The following BTBD9 variants were observed in gnomAD, a reference collection of about 807,000 sequenced individuals.
The protein encoded by BTBD9 is BTB/POZ domain-containing protein 9.
BTBD9 carries 49 observed loss-of-function variants against 64.3 expected under a neutral mutation model. The ratio of observed to expected loss-of-function variants is 0.76; its 90% CI spans 0.61 to 0.97. The LOEUF (loss-of-function observed/expected upper bound fraction) is 0.97, where lower values mean the gene tolerates loss of function less well. BTBD9 is among the 50% of genes least tolerant of loss of function. The probability of loss-of-function intolerance (pLI) is 0.00; values close to 1 mark genes in which losing one functional copy is unlikely to be tolerated. For synonymous variants in BTBD9, 260 were observed against 274.7 expected (o/e 0.95, Z 0.53); for missense variants, 598 against 762.1 (o/e 0.78, Z 2.53).
At chr6:38,298,055 C>A (rs1363879607) in intron 7 of BTBD9, among the ~76,000 whole-genome samples, 1 of 151,672 alleles carries the variant, frequency 6.6e-6, no homozygotes, top group Non-Finnish European at 1.5e-5. Flanking sequence ...CGGGGTTTCA[C>A]CATGTTAGCC....
chr6:38,413,463 C>A (rs553092093), intron 6 of BTBD9, among the ~76,000 whole-genome samples: 1 of 152,292 alleles, frequency 6.6e-6, no homozygotes, highest in South Asian at 2.1e-4. Context: ...ATAGGCCAAA[C>A]AAAAATGCCA....
At chr6:38,553,618 G>C (rs1289928174) in intron 6 of BTBD9, among the ~76,000 whole-genome samples, 2 of 152,174 alleles carry the variant, frequency 1.3e-5, no homozygotes, top group East Asian at 1.9e-4. Flanking sequence ...AAAGCCAACA[G>C]AAATAATCCT....
At position 38,264,932 on chromosome 6, in the gene BTBD9, A is replaced by G. The variant is rs1389064778; in HGVS notation, c.1455-8416T>C. On this transcript the variant is annotated intron_variant, in intron 8 of 10. Coordinates refer to ENST00000481247, the MANE Select transcript of BTBD9 (RefSeq NM_001099272.2). ...AGGGCAAAGGGAACACCAGTCTCCT[A>G]ATAGCAGGAGGAGGGAAAAACTGGC... Among the ~76,000 whole-genome samples, 10 of 152,284 alleles carry G rather than the reference A, an allele frequency of 6.6e-5. No homozygotes were observed. The East Asian group carries it at 1.7e-3, about 26-fold the overall frequency.
At chr6:38,489,704 G>A (rs765313869) in intron 6 of BTBD9, among the ~76,000 whole-genome samples, 129 of 152,126 alleles carry the variant, frequency 8.5e-4, no homozygotes, top group Non-Finnish European at 1.3e-3. Flanking sequence ...TGATAAGCAT[G>A]AAATGGTTTC....
At chr6:38,335,454 T>A (rs1763855898) in intron 7 of BTBD9, among the ~76,000 whole-genome samples, 1 of 152,042 alleles carries the variant, frequency 6.6e-6, no homozygotes, top group South Asian at 2.1e-4. Context: ...GGTTTTGCCA[T>A]GTTGGCCAGG....
rs949903372 is a variant in BTBD9, at chr6:38,473,945, A to G, written c.1154+103655T>C. Among the ~76,000 whole-genome samples the G allele has an allele frequency of 4.6e-5, 7 of 152,272 alleles. No individual in the cohort carries two copies. In the East Asian group the frequency reaches 1.2e-3, roughly 25 times the overall value. On this transcript the variant is annotated intron_variant, in intron 6 of 10. Coordinates refer to ENST00000481247, the MANE Select transcript of BTBD9 (RefSeq NM_001099272.2). ...GAAGAGTATTCTAGAAAGAAAGGCAATGTGTTGGGAAACCCTAAGATAGGA... is the reference window on the plus strand; with the variant it reads ...GAAGAGTATTCTAGAAAGAAAGGCAGTGTGTTGGGAAACCCTAAGATAGGA...
intron 6 of BTBD9, among the ~76,000 whole-genome samples, chr6:38,534,953 C>A (rs1773957888): frequency 6.6e-6 from 1 of 152,086 alleles, no homozygotes; most frequent in African/African-American, 2.4e-5. Context: ...CTTCTAAGAT[C>A]TGGAACATGA....
At chr6:38,338,897 T>C (rs1763998134) in intron 7 of BTBD9, among the ~76,000 whole-genome samples, 1 of 152,208 alleles carries the variant, frequency 6.6e-6, no homozygotes, top group Non-Finnish European at 1.5e-5. Flanking sequence ...GAAATGCAGT[T>C]AAAATTGCAC....
chr6:38,604,506 C>T (rs749014352), intron 1 of BTBD9, among the ~76,000 whole-genome samples: 5 of 152,020 alleles, frequency 3.3e-5, no homozygotes, highest in Non-Finnish European at 4.4e-5. Flanking sequence ...CAGTGCTAGG[C>T]GACAGAAACA....
chr6:38,228,406 G>C (rs985740568), intron 9 of BTBD9, among the ~76,000 whole-genome samples: 7 of 145,554 alleles, frequency 4.8e-5, no homozygotes, highest in African/African-American at 1.5e-4. Flanking sequence ...CGGTATTATG[G>C]ACTTTGGGTA....
At chr6:38,611,569 T>C (rs766214337) in intron 1 of BTBD9, among the ~76,000 whole-genome samples, 2 of 152,204 alleles carry the variant, frequency 1.3e-5, no homozygotes, top group Non-Finnish European at 2.9e-5. Context: ...GCTAAATATG[T>C]GTCCAAATGC....
At chr6:38,592,181 CAA>C (rs199989280) in intron 4 of BTBD9, among the ~76,000 whole-genome samples, 14 of 110,618 alleles carry the variant, frequency 1.3e-4, no homozygotes, top group Non-Finnish European at 1.2e-4. Context: ...AACTCCATCT[CAA>C]AAAAAAAAAA....
intron 10 of BTBD9, among the ~76,000 whole-genome samples, chr6:38,185,146 G>A (rs541834436): frequency 6.8e-6 from 1 of 147,686 alleles, no homozygotes; most frequent in East Asian, 2.1e-4. Context: ...CACTCGATCC[G>A]TTTTACAGAT....
At chr6:38,249,815 A>C (rs1162973609) in intron 9 of BTBD9, among the ~76,000 whole-genome samples, 1 of 152,110 alleles carries the variant, frequency 6.6e-6, no homozygotes, top group Non-Finnish European at 1.5e-5. Context: ...TATAAGACTC[A>C]ACAACGGGTA....
chr6:38,304,320 G>T (rs1423651328), intron 7 of BTBD9, among the ~76,000 whole-genome samples: 1 of 151,920 alleles, frequency 6.6e-6, no homozygotes, highest in Non-Finnish European at 1.5e-5. Context: ...GGCCGAGGTG[G>T]GCGGATCACG....
chr6:38,174,790 T>G lies in BTBD9; in HGVS notation c.*195A>C, dbSNP rs1245853052. 27 of 638,820 alleles carry G rather than the reference T, an allele frequency of 4.2e-5. No individual in the cohort carries two copies. The highest frequency in any genetic ancestry group is 6.9e-5 in the Non-Finnish European group (26 of 375,940). The allele number at this position is 638,820 out of a possible 1,614,324, so 39.6% of individuals were successfully genotyped here. On this transcript the variant is annotated 3_prime_UTR_variant, in exon 11 of 11. Transcript: ENST00000481247. ...CCCCTTGAGACCTGCCTGATTTGGATAAATTGAGAAGAACAAAGCAGCCCC... is the reference window on the plus strand; with the variant it reads ...CCCCTTGAGACCTGCCTGATTTGGAGAAATTGAGAAGAACAAAGCAGCCCC...
At chr6:38,354,976 T>G (rs1764662043) in intron 6 of BTBD9, among the ~76,000 whole-genome samples, 1 of 151,936 alleles carries the variant, frequency 6.6e-6, no homozygotes, top group African/African-American at 2.4e-5. Context: ...GTGCCAAAAC[T>G]AGTATAGATA....
At chr6:38,573,709 C>T (rs1192053317) in intron 6 of BTBD9, among the ~76,000 whole-genome samples, 1 of 152,142 alleles carries the variant, frequency 6.6e-6, no homozygotes, top group Non-Finnish European at 1.5e-5. Context: ...TATCCATTTT[C>T]GCTCATGTTC....
intron 7 of BTBD9, among the ~76,000 whole-genome samples, chr6:38,333,766 T>C (rs1277537781): frequency 6.6e-6 from 1 of 152,204 alleles, no homozygotes; most frequent in East Asian, 1.9e-4. Flanking sequence ...AATTACCCAG[T>C]CTCAGTTATG....
Sources: gnomAD v4.1 joint callset for allele counts (sites outside exome capture counted in the v4.1 genomes callset) on GRCh38, gnomAD v4.1.1 for gene constraint, MANE v1.5 for transcripts, NCBI Gene and HGNC (gene_info 2026-07-23, HGNC 2026-07-21) for gene names.